Variants in SLC24A2 observed in about 807,000 individuals in gnomAD.
SLC24A2 encodes sodium/potassium/calcium exchanger 2.
In SLC24A2, 36 loss-of-function variants were observed where a neutral mutation model predicts 62.0. That is an observed-to-expected ratio of 0.58 (90% CI 0.44 to 0.77). The LOEUF is 0.77. SLC24A2 is among the 30% of genes least tolerant of loss of function. SLC24A2 has a pLI of 0.00. For synonymous variants in SLC24A2, 358 were observed against 294.0 expected, an observed-to-expected ratio of 1.22 and a Z score of -2.23; for missense variants, 846 against 817.9, an observed-to-expected ratio of 1.03 and a Z score of -0.42.
chr9:20,183,644 G>C, the SLC24A2 span, among the ~76,000 whole-genome samples: 2 of 152,170 alleles, frequency 1.3e-5, no homozygotes, highest in African/African-American at 4.8e-5. Flanking sequence ...ACTTGCTCTG[G>C]GCCTTGAAGA....
In SLC24A2 at chr9:19,508,210, T is replaced by G. The variant is rs1322148448; in HGVS notation, c.*7943A>C. On this transcript the variant is annotated 3_prime_UTR_variant, in exon 11 of 11. Coordinates refer to ENST00000341998, the MANE Select transcript of SLC24A2 (RefSeq NM_020344.4). ...CTAGATGCAGGGTATATATGTGTAC[T>G]TTGTGTTCAGGGTTCAATAGCGCAA... The G allele has an allele frequency of 6.6e-6, 1 of 152,168 alleles. No individual in the cohort carries two copies. Among genetic ancestry groups the G allele is most frequent in the Non-Finnish European group, 1.5e-5 (1 of 68,024 alleles). The allele number at this position is 152,168 out of a possible 1,614,324, so 9.4% of individuals were successfully genotyped here. A position where few individuals can be genotyped will look rare whatever the true frequency, so the allele number is the denominator to read the frequency against.
chr9:19,720,246 C>T (rs1262814817), intron 2 of SLC24A2, among the ~76,000 whole-genome samples: 3 of 152,104 alleles, frequency 2.0e-5, no homozygotes, highest in South Asian at 4.1e-4. Flanking sequence ...TTAATTTCAA[C>T]GTGTACCTCC....
the SLC24A2 span, among the ~76,000 whole-genome samples, chr9:20,153,308 A>T: frequency 6.6e-6 from 1 of 151,848 alleles, no homozygotes; most frequent in Non-Finnish European, 1.5e-5. Flanking sequence ...ATCCTTCTTG[A>T]TACTATCTTC....
the SLC24A2 span, among the ~76,000 whole-genome samples, chr9:19,966,195 A>T: frequency 1.3e-5 from 2 of 152,152 alleles, no homozygotes; most frequent in African/African-American, 2.4e-5. Context: ...TCCAGTTCCA[A>T]ATAAAAATCA....
chr9:19,733,645 T>C lies in SLC24A2; in HGVS notation c.930+52292A>G, dbSNP rs550050826. The stretch of plus-strand genomic sequence containing the variant: ...TTAGTTATTTCTGGAGTGATCCTGG[T>C]ATCTCTTCCAAGTTTTCTTGTTATA... On this transcript the variant is annotated intron_variant, in intron 2 of 10. Coordinates refer to ENST00000341998, the MANE Select transcript of SLC24A2 (RefSeq NM_020344.4). Among the ~76,000 whole-genome samples the C allele has an allele frequency of 2.5e-4, 38 of 152,320 alleles. 1 individual carries two copies. In the South Asian group the frequency reaches 7.5e-3, roughly 30 times the overall value.
At chr9:19,537,139 C>T (rs867480783) in intron 8 of SLC24A2, among the ~76,000 whole-genome samples, 4,355 of 150,568 alleles carry the variant, frequency 0.029, 206 homozygotes, top group African/African-American at 0.1. Flanking sequence ...AAATTTTCTC[C>T]CATGTTGTAG....
intron 7 of SLC24A2, among the ~76,000 whole-genome samples, chr9:19,566,411 G>C (rs1835653366): frequency 2.0e-5 from 3 of 147,818 alleles, no homozygotes; most frequent in Admixed American, 6.8e-5. Flanking sequence ...ACCACAGTGA[G>C]ATACCATCTC....
the SLC24A2 span, among the ~76,000 whole-genome samples, chr9:20,156,894 G>A: frequency 5.9e-5 from 9 of 151,640 alleles, no homozygotes; most frequent in African/African-American, 1.9e-4. Flanking sequence ...CCAAGACAAA[G>A]GTAAAGGAAG....
At chr9:19,863,747 A>G in the SLC24A2 span, among the ~76,000 whole-genome samples, 1 of 152,090 alleles carries the variant, frequency 6.6e-6, no homozygotes, top group Non-Finnish European at 1.5e-5. Context: ...GCCCACATCA[A>G]AAAAGAAAAA....
At chr9:19,956,306 C>T in the SLC24A2 span, among the ~76,000 whole-genome samples, 4 of 152,128 alleles carry the variant, frequency 2.6e-5, no homozygotes, top group Admixed American at 6.5e-5. Context: ...ACAATGATAG[C>T]GCTACAGGCA....
At chr9:20,282,126 T>A in the SLC24A2 span, among the ~76,000 whole-genome samples, 1 of 152,132 alleles carries the variant, frequency 6.6e-6, no homozygotes, top group Admixed American at 6.5e-5. Context: ...TATTTAAATA[T>A]CCCAAACTAT....
At chr9:19,847,339 A>T in the SLC24A2 span, among the ~76,000 whole-genome samples, 1 of 152,212 alleles carries the variant, frequency 6.6e-6, no homozygotes, top group Non-Finnish European at 1.5e-5. Context: ...CCAAAGAATA[A>T]ATTGCATTAT....
At chr9:19,530,935 T>C (rs1414392882) in intron 8 of SLC24A2, among the ~76,000 whole-genome samples, 1 of 152,176 alleles carries the variant, frequency 6.6e-6, no homozygotes, top group Admixed American at 6.5e-5. Flanking sequence ...ATCTAGATTA[T>C]ACTGACTCTT....
chr9:20,169,332 T>A, the SLC24A2 span, among the ~76,000 whole-genome samples: 3 of 152,094 alleles, frequency 2.0e-5, no homozygotes, highest in East Asian at 5.9e-4. Context: ...GAGCAGCATG[T>A]GGAGCCTCGT....
chr9:20,074,082 C>T, the SLC24A2 span, among the ~76,000 whole-genome samples: 1 of 152,042 alleles, frequency 6.6e-6, no homozygotes, highest in Non-Finnish European at 1.5e-5. Context: ...GCATCAAAAT[C>T]CAGGTCTCAA....
the SLC24A2 span, among the ~76,000 whole-genome samples, chr9:20,090,949 C>A: frequency 6.6e-6 from 1 of 151,542 alleles, no homozygotes; most frequent in Non-Finnish European, 1.5e-5. Flanking sequence ...TCCAAGGAAA[C>A]AGAATCACAA....
chr9:19,667,050 C>T (rs1819273895), intron 2 of SLC24A2, among the ~76,000 whole-genome samples: 2 of 152,060 alleles, frequency 1.3e-5, no homozygotes, highest in South Asian at 2.1e-4. Context: ...AGCTAAGATA[C>T]TCATAAATCT....
At chr9:20,104,409 A>G in the SLC24A2 span, among the ~76,000 whole-genome samples, 1 of 152,306 alleles carries the variant, frequency 6.6e-6, no homozygotes, top group Non-Finnish European at 1.5e-5. Context: ...AGATTCACCA[A>G]AGTTGAAATG....
intron 2 of SLC24A2, among the ~76,000 whole-genome samples, chr9:19,780,878 A>G (rs898896147): frequency 3.3e-5 from 5 of 150,808 alleles, no homozygotes; most frequent in African/African-American, 1.2e-4. Flanking sequence ...GTCTCAAAAA[A>G]AAAAAAAAAA....
Sources: gnomAD v4.1 joint callset for allele counts (sites outside exome capture counted in the v4.1 genomes callset) on GRCh38, gnomAD v4.1.1 for gene constraint, MANE v1.5 for transcripts, NCBI Gene and HGNC (gene_info 2026-07-23, HGNC 2026-07-21) for gene names.